Variants in NCALD observed in about 807,000 individuals in gnomAD.
The protein encoded by NCALD is neurocalcin-delta.
A neutral mutation model predicts 18.6 loss-of-function variants in NCALD; 10 were observed. That is an observed-to-expected ratio of 0.54 (90% CI 0.33 to 0.91). NCALD has a LOEUF of 0.91. Among genes scored for constraint, NCALD ranks in the 40% least tolerant of loss-of-function variants. NCALD has a pLI of 0.03. For missense variants in NCALD, 184 were observed against 247.6 expected (o/e 0.74, Z 1.72); for synonymous variants, 88 against 87.4 (o/e 1.01, Z -0.04).
rs576286368 is a variant in NCALD, at chr8:101,732,590, C to CTTTT, written c.-19-12946_-19-12943dup. ...AATTCAGAGTATTTCTTTTTCTTTG[C>CTTTT]TTTTTTTTTTTTTTTTTTTTTTTTT... On this transcript the variant is annotated intron_variant, in intron 1 of 3. Transcript: ENST00000220931. 2.7e-3 allele frequency among the ~76,000 whole-genome samples: 145 copies of CTTTT among 53,694 alleles called. 6 individuals carry two copies. The highest frequency in any genetic ancestry group is 3.9e-3 in the Non-Finnish European group (117 of 29,766). 35.2% of individuals were successfully genotyped at this position (53,694 alleles called of 152,430 possible).
At chr8:102,092,588 T>C (rs1359121823) in intron 1 of NCALD, among the ~76,000 whole-genome samples, 1 of 152,184 alleles carries the variant, frequency 6.6e-6, no homozygotes, top group Non-Finnish European at 1.5e-5. Context: ...CCTGCCTCAT[T>C]TCATAATATG....
At chr8:101,752,233 A>C (rs1416983123) in intron 1 of NCALD, among the ~76,000 whole-genome samples, 1 of 152,208 alleles carries the variant, frequency 6.6e-6, no homozygotes, top group African/African-American at 2.4e-5. Context: ...AATAGAAAGC[A>C]TAACTTACAT....
At chr8:102,002,648 G>T (rs1821522032) in intron 2 of NCALD, among the ~76,000 whole-genome samples, 1 of 152,120 alleles carries the variant, frequency 6.6e-6, no homozygotes, top group Non-Finnish European at 1.5e-5. Flanking sequence ...CTCAGCAAAT[G>T]TAAAAGATCA....
intron 2 of NCALD, among the ~76,000 whole-genome samples, chr8:101,922,442 A>T (rs547799565): frequency 3.9e-4 from 59 of 152,320 alleles, no homozygotes; most frequent in African/African-American, 1.1e-3. Context: ...ATCCTATCTT[A>T]CCTATTTGTT....
At chr8:101,719,764 G>A (rs919752786) in intron 1 of NCALD, 116 bp from the exon 2 acceptor site, 22 of 954,278 alleles carry the variant, frequency 2.3e-5, no homozygotes, top group Admixed American at 6.2e-5. Flanking sequence ...AACTCTATAC[G>A]AGTCCAGTAA....
intron 1 of NCALD, among the ~76,000 whole-genome samples, chr8:102,101,452 A>C (rs1825280060): frequency 6.6e-6 from 1 of 152,238 alleles, no homozygotes; most frequent in Non-Finnish European, 1.5e-5. Context: ...CGAAGGCTGC[A>C]TTGGATCCAG....
rs34205453 is a variant in NCALD, at chr8:101,738,552, CAAA to C, written c.-19-18907_-19-18905del. On this transcript the variant is annotated intron_variant, in intron 1 of 3. Transcript: ENST00000220931. Reference sequence around the variant, plus strand: ...AGAGCGAAACTCCATCTCAAAAAAACAAAAAAAAAAAAAAAAAAAAGAAGAAGA... The same window carrying C: ...AGAGCGAAACTCCATCTCAAAAAAACAAAAAAAAAAAAAAAAAGAAGAAGA... Among the ~76,000 whole-genome samples the C allele has an allele frequency of 1.3e-3, 165 of 127,916 alleles. 1 individual carries two copies. The highest frequency in any genetic ancestry group is 3.7e-3 in the African/African-American group (130 of 34,752). The allele number at this position is 127,916 out of a possible 152,430, so 83.9% of individuals were successfully genotyped here.
chr8:101,866,583 T>C (rs1815779071), intron 4 of NCALD, among the ~76,000 whole-genome samples: 1 of 152,186 alleles, frequency 6.6e-6, no homozygotes, highest in African/African-American at 2.4e-5. Flanking sequence ...TCATTCCTAT[T>C]CTCATAACGG....
Position 102,015,442 on chromosome 8 carries a change from G to T in NCALD, c.-157+4795C>A, listed in dbSNP as rs117785514. ...GTTTTCCTATTAAGTTTTAGATTGTGGTTTTATTGCCTTCTTTTGATTTGG... is the reference window on the plus strand; with the variant it reads ...GTTTTCCTATTAAGTTTTAGATTGTTGTTTTATTGCCTTCTTTTGATTTGG... On this transcript the variant is annotated intron_variant, in intron 2 of 6. Transcript: ENST00000311028. 9.5e-3 allele frequency among the ~76,000 whole-genome samples: 1,452 copies of T among 152,182 alleles called. 50 individuals are homozygous for T. The highest frequency in any genetic ancestry group is 0.093 in the East Asian group (481 of 5,168).
At chr8:101,700,334 G>A (rs1197552046) in intron 2 of NCALD, among the ~76,000 whole-genome samples, 2 of 152,164 alleles carry the variant, frequency 1.3e-5, no homozygotes, top group Non-Finnish European at 2.9e-5. Context: ...AAATACAGGC[G>A]TGAGCCACTG....
At chr8:101,803,001 G>C (rs1288583536) in intron 4 of NCALD, among the ~76,000 whole-genome samples, 4 of 151,822 alleles carry the variant, frequency 2.6e-5, no homozygotes, top group Non-Finnish European at 5.9e-5. Context: ...TGATGAAGGT[G>C]ACTATACTTC....
At chr8:101,908,182 G>A (rs1817672451) in intron 3 of NCALD, among the ~76,000 whole-genome samples, 1 of 152,170 alleles carries the variant, frequency 6.6e-6, no homozygotes, top group Non-Finnish European at 1.5e-5. Flanking sequence ...CGAATAGCAT[G>A]GAAAAACAAA....
At chr8:101,952,236 G>T (rs1388752772) in intron 2 of NCALD, among the ~76,000 whole-genome samples, 1 of 152,098 alleles carries the variant, frequency 6.6e-6, no homozygotes, top group Admixed American at 6.5e-5. Flanking sequence ...GCAAGTACAG[G>T]ACTCCAAGTC....
intron 2 of NCALD, among the ~76,000 whole-genome samples, chr8:101,928,073 T>C (rs1818403307): frequency 1.3e-5 from 2 of 152,152 alleles, no homozygotes; most frequent in Non-Finnish European, 2.9e-5. Context: ...GGGAACTAAC[T>C]GAAAAATGAT....
intron 1 of NCALD, among the ~76,000 whole-genome samples, chr8:102,120,549 C>T (rs1408541036): frequency 6.6e-6 from 1 of 152,178 alleles, no homozygotes; most frequent in Non-Finnish European, 1.5e-5. Flanking sequence ...ATGGTGCCGA[C>T]TCCATGAAAG....
chr8:102,001,144 T>C (rs998075597), intron 2 of NCALD, among the ~76,000 whole-genome samples: 1 of 152,078 alleles, frequency 6.6e-6, no homozygotes, highest in African/African-American at 2.4e-5. Flanking sequence ...ATTAGATGAA[T>C]GGCTAACTAG....
intron 1 of NCALD, among the ~76,000 whole-genome samples, chr8:102,083,007 A>G (rs1824603432): frequency 6.6e-6 from 1 of 152,264 alleles, no homozygotes; most frequent in South Asian, 2.1e-4. Context: ...TAGTTCCAAA[A>G]GGGCAAAAGA....
At chr8:101,858,059 C>T (rs1266064994) in intron 4 of NCALD, among the ~76,000 whole-genome samples, 1 of 152,160 alleles carries the variant, frequency 6.6e-6, no homozygotes, top group Non-Finnish European at 1.5e-5. Context: ...ACCCTTACCA[C>T]CATATATACA....
At chr8:102,046,797 CTT>C (rs111776091) in intron 1 of NCALD, among the ~76,000 whole-genome samples, 8 of 142,358 alleles carry the variant, frequency 5.6e-5, no homozygotes, top group East Asian at 2.0e-4. Flanking sequence ...GTTTTTTTTC[CTT>C]TTTTTTTTTT....
Sources: allele counts gnomAD v4.1 joint callset (sites outside exome capture counted in the v4.1 genomes callset), GRCh38; gene constraint gnomAD v4.1.1; transcripts MANE v1.5; gene names NCBI Gene and HGNC (gene_info 2026-07-23, HGNC 2026-07-21).